The following ST6GALNAC2 variants were observed in gnomAD, a reference collection of about 807,000 sequenced individuals.
The protein encoded by ST6GALNAC2 is alpha-N-acetylgalactosaminide alpha-2,6-sialyltransferase 2.
ST6GALNAC2 carries 42 observed loss-of-function variants against 38.7 expected under a neutral mutation model. The ratio of observed to expected loss-of-function variants is 1.09; its 90% CI spans 0.85 to 1.40. The LOEUF (loss-of-function observed/expected upper bound fraction) is 1.40. Ranked by LOEUF, ST6GALNAC2 falls within the 40% of genes most tolerant of loss-of-function variation. The probability of loss-of-function intolerance (pLI) is 0.00; values close to 1 mark genes in which losing one functional copy is unlikely to be tolerated. For synonymous variants in ST6GALNAC2, 233 were observed against 209.0 expected, an observed-to-expected ratio of 1.11 and a Z score of -0.99; for missense variants, 506 against 481.7, an observed-to-expected ratio of 1.05 and a Z score of -0.47.
In ST6GALNAC2 at chr17:76,572,394, G is replaced by A. The variant is rs73996623; in HGVS notation, c.669+243C>T. 9.3e-3 allele frequency among the ~76,000 whole-genome samples: 1,421 copies of A among 152,284 alleles called. 23 individuals carry two copies. Among genetic ancestry groups the A allele is most frequent in the African/African-American group, 0.03 (1,234 of 41,550 alleles). On this transcript the variant is annotated intron_variant, in intron 5 of 8. Coordinates refer to ENST00000225276, the MANE Select transcript of ST6GALNAC2 (RefSeq NM_006456.3). The stretch of plus-strand genomic sequence containing the variant: ...GTAAAGTGCCTGGCAAGTCACAAGC[G>A]TTGGGTAAATGCTGGCCATTCACAT...
intron 7 of ST6GALNAC2, 54 bp from the exon 8 acceptor site, chr17:76,567,606 T>G: frequency 8.5e-7 from 1 of 1,180,250 alleles, no homozygotes; most frequent in Non-Finnish European, 1.3e-6. Flanking sequence ...ATCATCACAC[T>G]TCACAACTAC....
chr17:76,570,893 C>G, intron 5 of ST6GALNAC2: 1 of 516,784 alleles, frequency 1.9e-6, no homozygotes, highest in South Asian at 2.4e-5. Flanking sequence ...GGAGTATGGG[C>G]TGGACTTAGC....
chr17:76,581,670 C>T (rs537474548), intron 1 of ST6GALNAC2, among the ~76,000 whole-genome samples: 2 of 152,090 alleles, frequency 1.3e-5, no homozygotes, highest in South Asian at 2.1e-4. Flanking sequence ...CTCCCAGCCC[C>T]GCTCCTACTG....
intron 6 of ST6GALNAC2, chr17:76,569,211 G>T: frequency 4.4e-6 from 1 of 227,074 alleles, no homozygotes; most frequent in South Asian, 2.2e-4. Flanking sequence ...GCTGGAAAAA[G>T]GGGGGCTCCT....
At chr17:76,580,085 G>C (rs950425400) in intron 1 of ST6GALNAC2, among the ~76,000 whole-genome samples, 1 of 152,158 alleles carries the variant, frequency 6.6e-6, no homozygotes, top group African/African-American at 2.4e-5. Context: ...TTGATTGTTA[G>C]GAGGGTTCAA....
At chr17:76,581,970 C>G (rs2075481214) in intron 1 of ST6GALNAC2, among the ~76,000 whole-genome samples, 1 of 151,862 alleles carries the variant, frequency 6.6e-6, no homozygotes, top group African/African-American at 2.4e-5. Context: ...TGGGTTCAAG[C>G]GATTCTCCTG....
intron 1 of ST6GALNAC2, chr17:76,580,840 A>G (rs1448019845): frequency 6.6e-6 from 1 of 152,198 alleles, no homozygotes; most frequent in African/African-American, 2.4e-5. Context: ...AGCCTCTATT[A>G]TTAGTGTCCC....
At chr17:76,569,511 G>A (rs1692595042) in intron 6 of ST6GALNAC2, 3 of 334,804 alleles carry the variant, frequency 9.0e-6, no homozygotes, top group Non-Finnish European at 1.6e-5. Context: ...GGTGGGAGGG[G>A]GGCCGGGAGG....
intron 2 of ST6GALNAC2, among the ~76,000 whole-genome samples, chr17:76,577,216 G>A (rs1345468901): frequency 6.6e-6 from 1 of 151,458 alleles, no homozygotes; most frequent in Non-Finnish European, 1.5e-5. Context: ...ACAGGCGCCT[G>A]CCACCATGCC....
rs1308058547 is a variant in ST6GALNAC2, at chr17:76,572,673, G to A, written c.633C>T (p.Tyr211=). ...VNTMKNSLVS[Y]WNLGFTSVPQ... The stretch of plus-strand genomic sequence containing the variant: ...GCACGGAGGTGAAGCCCAGATTCCA[G>A]TAGGAGACGAGGGAGTTCTTCATCG... The change falls in exon 5 of 9, where the codon TAC becomes TAT. Residue 211 remains tyrosine (Y), a synonymous_variant. Transcript: ENST00000225276. 2 of 1,614,148 alleles carry A rather than the reference G, an allele frequency of 1.2e-6. No individual in the cohort carries two copies. Among genetic ancestry groups the A allele is most frequent in the Non-Finnish European group, 1.7e-6 (2 of 1,180,018 alleles).
At chr17:76,567,154 A>G (rs553735102) in intron 8 of ST6GALNAC2, among the ~76,000 whole-genome samples, 1 of 152,306 alleles carries the variant, frequency 6.6e-6, no homozygotes, top group East Asian at 1.9e-4. Flanking sequence ...TAAATACCAT[A>G]CTGAGTGGCT....
chr17:76,583,860 T>C (rs2075510179), intron 1 of ST6GALNAC2, among the ~76,000 whole-genome samples: 1 of 148,420 alleles, frequency 6.7e-6, no homozygotes, highest in Admixed American at 6.9e-5. Context: ...CAGGCTGGAG[T>C]GCAGTGGCGC....
At chr17:76,572,013 G>A (rs1221569832) in intron 5 of ST6GALNAC2, among the ~76,000 whole-genome samples, 1 of 152,094 alleles carries the variant, frequency 6.6e-6, no homozygotes, top group Non-Finnish European at 1.5e-5. Context: ...GGGCCAGTGT[G>A]GGGAAATGGA....
chr17:76,572,529 C>T (rs777721873), intron 5 of ST6GALNAC2, 108 bp downstream of exon 5: 16 of 1,337,944 alleles, frequency 1.2e-5, no homozygotes, highest in Non-Finnish European at 1.4e-5. Context: ...GGCACCCCCT[C>T]AGCATCCACT....
chr17:76,578,665 T>A, intron 2 of ST6GALNAC2, 91 bp downstream of exon 2: 1 of 1,249,302 alleles, frequency 8.0e-7, no homozygotes, highest in Non-Finnish European at 1.1e-6. Context: ...TGCCCAGCAA[T>A]CTCATGAGAG....
chr17:76,577,867 C>G (rs1374387098), intron 2 of ST6GALNAC2, among the ~76,000 whole-genome samples: 1 of 152,174 alleles, frequency 6.6e-6, no homozygotes, highest in Non-Finnish European at 1.5e-5. Context: ...GCCACCACGT[C>G]CAGCGGCCTC....
At position 76,573,159 on chromosome 17, in the gene ST6GALNAC2, T is replaced by TACCAA; in HGVS notation, c.530+35_530+36insTTGGT. On this transcript the variant is annotated intron_variant, in intron 4 of 8. Coordinates refer to ENST00000225276, the MANE Select transcript of ST6GALNAC2 (RefSeq NM_006456.3). This position sits in a 1 kb window ranked among gnomAD's most constrained non-coding sequence, Gnocchi z 5.1. ...GACACCCCCACCCTCCAGGCAACTC[T>TACCAA]CCCTCCCGCCCCTCCCCAGCTCCTA... 5.4e-5 allele frequency: 83 copies of TACCAA among 1,530,122 alleles called. No homozygotes were observed. The highest frequency in any genetic ancestry group is 1.9e-4 in the Middle Eastern group (1 of 5,286). 94.8% of individuals were successfully genotyped at this position (1,530,122 alleles called of 1,614,324 possible).
At position 76,566,081 on chromosome 17, in the gene ST6GALNAC2, G is replaced by A. The variant is rs1226632225; in HGVS notation, c.*23C>T. The A allele has an allele frequency of 6.3e-7, 1 of 1,598,056 alleles. No individual in the cohort carries two copies. The highest frequency in any genetic ancestry group is 8.5e-7 in the Non-Finnish European group (1 of 1,172,182). On this transcript the variant is annotated 3_prime_UTR_variant, in exon 9 of 9. Transcript: ENST00000225276. Reference sequence around the variant, plus strand: ...GATCAGGGCCGCAACTCTTGAAGAAGCAAAGGGCTCAGTGCATTGGGGTCA... The same window carrying A: ...GATCAGGGCCGCAACTCTTGAAGAAACAAAGGGCTCAGTGCATTGGGGTCA...
chr17:76,574,371 G>A lies in ST6GALNAC2; in HGVS notation c.355C>T (p.His119Tyr), dbSNP rs2075388078. Residue 119 changes from histidine (H) to tyrosine (Y), a missense_variant, in exon 3 of 9, where the codon CAC (histidine) becomes TAC (tyrosine). Physicochemically the swap from His to Tyr is moderately conservative, Grantham distance 83. Coordinates refer to ENST00000225276, the MANE Select transcript of ST6GALNAC2 (RefSeq NM_006456.3). ...GACAGCGGGCGCGGGTTACCTTGGTGAGAGAGCCCCCGCCAGCCATACGGG... is the reference window on the plus strand; with the variant it reads ...GACAGCGGGCGCGGGTTACCTTGGTAAGAGAGCCCCCGCCAGCCATACGGG... ...KAPYGWRGLSHQVIASTLSLL... is the reference protein window; with the variant it reads ...KAPYGWRGLSYQVIASTLSLL... The A allele has an allele frequency of 1.2e-6, 2 of 1,612,290 alleles. No homozygotes were observed. Among genetic ancestry groups the A allele is most frequent in the Middle Eastern group, 1.7e-4 (1 of 6,056 alleles).
Sources: allele counts gnomAD v4.1 joint callset (sites outside exome capture counted in the v4.1 genomes callset), GRCh38; gene constraint gnomAD v4.1.1; non-coding constraint Gnocchi (gnomAD v3.1); transcripts MANE v1.5; gene names NCBI Gene and HGNC (gene_info 2026-07-23, HGNC 2026-07-21).